The following P4HA1 variants were observed in gnomAD, a reference collection of about 807,000 sequenced individuals.
P4HA1 encodes the protein prolyl 4-hydroxylase subunit alpha-1.
P4HA1 carries 24 observed loss-of-function variants against 72.8 expected under a neutral mutation model. The observed-to-expected ratio is 0.33, with a 90% CI of 0.24 to 0.46. The LOEUF (loss-of-function observed/expected upper bound fraction) is 0.46. Among genes scored for constraint, P4HA1 ranks in the 20% least tolerant of loss-of-function variants. The pLI, the probability that P4HA1 is intolerant of heterozygous loss-of-function variation, is 1.00. For synonymous variants in P4HA1, 201 were observed against 218.8 expected (o/e 0.92, Z 0.72); for missense variants, 446 against 640.6 (o/e 0.70, Z 3.28).
intron 9 of P4HA1, among the ~76,000 whole-genome samples, chr10:73,035,684 C>T (rs893314705): frequency 9.2e-5 from 14 of 152,126 alleles, no homozygotes; most frequent in Admixed American, 2.0e-4. Flanking sequence ...TATCTCTGTA[C>T]GATAAATTCC....
chr10:73,077,941 A>G (rs1841737662), intron 1 of P4HA1, among the ~76,000 whole-genome samples: 1 of 150,978 alleles, frequency 6.6e-6, no homozygotes, highest in Admixed American at 6.6e-5. Flanking sequence ...GTGAGCCATG[A>G]TCTTGTCACT....
chr10:73,051,742 G>A (rs1408580726), intron 6 of P4HA1, among the ~76,000 whole-genome samples: 1 of 152,212 alleles, frequency 6.6e-6, no homozygotes, highest in South Asian at 2.1e-4. Context: ...CTGGGCAAAA[G>A]GAGTGAAACC....
At chr10:73,081,615 C>G (rs1317775564) in intron 1 of P4HA1, among the ~76,000 whole-genome samples, 1 of 152,162 alleles carries the variant, frequency 6.6e-6, no homozygotes, top group Non-Finnish European at 1.5e-5. Context: ...ACAGGTCAAT[C>G]AAACCTGGGA....
intron 10 of P4HA1, among the ~76,000 whole-genome samples, chr10:73,027,972 C>G (rs1399817406): frequency 6.6e-6 from 1 of 152,058 alleles, no homozygotes; most frequent in Non-Finnish European, 1.5e-5. Context: ...ATACCTTATT[C>G]AGGTTTGCAT....
chr10:73,037,231 G>A (rs552164856), intron 9 of P4HA1, among the ~76,000 whole-genome samples: 12 of 149,980 alleles, frequency 8.0e-5, no homozygotes, highest in African/African-American at 2.7e-4. Flanking sequence ...CTTAATGACA[G>A]GACCTGAAGC....
chr10:73,065,714 CTA>C, intron 5 of P4HA1, among the ~76,000 whole-genome samples: 1 of 152,224 alleles, frequency 6.6e-6, no homozygotes, highest in South Asian at 2.1e-4. Flanking sequence ...ACCAAATACC[CTA>C]TGATTTCTTA....
intron 1 of P4HA1, among the ~76,000 whole-genome samples, chr10:73,086,167 T>G (rs926144817): frequency 2.6e-5 from 4 of 152,218 alleles, no homozygotes; most frequent in African/African-American, 4.8e-5. Context: ...CCCAGATATT[T>G]CACTCATAGG....
intron 10 of P4HA1, among the ~76,000 whole-genome samples, chr10:73,019,447 A>G: frequency 6.6e-6 from 1 of 152,220 alleles, no homozygotes; most frequent in East Asian, 1.9e-4. Flanking sequence ...ACACCTAGCT[A>G]GAAAAAAATT....
At chr10:73,056,058 C>T (rs948226760) in intron 5 of P4HA1, among the ~76,000 whole-genome samples, 2 of 152,084 alleles carry the variant, frequency 1.3e-5, no homozygotes, top group Non-Finnish European at 2.9e-5. Context: ...AGAAATTCAG[C>T]AATAAGAGAA....
Position 73,074,278 on chromosome 10 carries a change from G to A in P4HA1, c.77-451C>T, listed in dbSNP as rs549618322. On this transcript the variant is annotated intron_variant, in intron 2 of 14. Transcript: ENST00000394890. ...TAATCTGTTATTTATAACAGGATGC[G>A]AGAACCCATCATTTTATATACTGGA... is the stretch of plus-strand genomic sequence containing the variant. Among the ~76,000 whole-genome samples the A allele has an allele frequency of 3.3e-5, 5 of 151,966 alleles. No individual in the cohort carries two copies. The South Asian group carries it at 8.3e-4, about 25-fold the overall frequency.
At chr10:73,027,022 T>C (rs1031806393) in intron 10 of P4HA1, among the ~76,000 whole-genome samples, 2 of 152,188 alleles carry the variant, frequency 1.3e-5, no homozygotes, top group African/African-American at 4.8e-5. Context: ...AGTTCAGCCA[T>C]TGTGGAAGAC....
chr10:73,092,032 C>G (rs1313830234), intron 1 of P4HA1, among the ~76,000 whole-genome samples: 1 of 152,178 alleles, frequency 6.6e-6, no homozygotes, highest in Middle Eastern at 3.2e-3. Context: ...TATTTCCACC[C>G]AGTCTACCTC....
At chr10:73,025,051 G>A (rs1023355640) in intron 10 of P4HA1, among the ~76,000 whole-genome samples, 1 of 152,136 alleles carries the variant, frequency 6.6e-6, no homozygotes, top group Admixed American at 6.5e-5. Context: ...TTCTATCAGA[G>A]GTACTAAGAG....
intron 1 of P4HA1, among the ~76,000 whole-genome samples, chr10:73,084,274 A>T (rs1483534387): frequency 6.6e-6 from 1 of 152,216 alleles, no homozygotes; most frequent in African/African-American, 2.4e-5. Context: ...CCAAATTCAG[A>T]AGTTTTCATG....
intron 1 of P4HA1, among the ~76,000 whole-genome samples, chr10:73,088,142 C>G (rs536818724): frequency 6.6e-6 from 1 of 152,312 alleles, no homozygotes; most frequent in East Asian, 1.9e-4. Flanking sequence ...ATCCTCCTGC[C>G]TCAACCTCCC....
intron 7 of P4HA1, among the ~76,000 whole-genome samples, chr10:73,048,024 C>G (rs1840915305): frequency 6.6e-6 from 1 of 152,074 alleles, no homozygotes; most frequent in Non-Finnish European, 1.5e-5. Flanking sequence ...TACACTCCAG[C>G]CTGGGTGACA....
At chr10:73,059,660 G>A (rs908544935) in intron 5 of P4HA1, among the ~76,000 whole-genome samples, 34 of 151,028 alleles carry the variant, frequency 2.3e-4, no homozygotes, top group Non-Finnish European at 4.1e-4. Flanking sequence ...GGAGAATGGC[G>A]TGAACCCGGG....
chr10:73,010,167 C>T (rs1004960955), intron 13 of P4HA1, among the ~76,000 whole-genome samples: 1 of 152,072 alleles, frequency 6.6e-6, no homozygotes, highest in Admixed American at 6.6e-5. Flanking sequence ...GGGCTTTCAC[C>T]ATGTTGGTCA....
intron 1 of P4HA1, among the ~76,000 whole-genome samples, chr10:73,078,434 T>C (rs1044928921): frequency 2.6e-5 from 4 of 152,060 alleles, no homozygotes; most frequent in African/African-American, 9.7e-5. Context: ...GGAATCTATA[T>C]TGACTAAGAT....
Sources: allele counts gnomAD v4.1 joint callset (sites outside exome capture counted in the v4.1 genomes callset), GRCh38; gene constraint gnomAD v4.1.1; transcripts MANE v1.5; gene names NCBI Gene and HGNC (gene_info 2026-07-23, HGNC 2026-07-21).